PLCB4: variants seen among roughly 807,000 people sequenced by gnomAD.
PLCB4 encodes the protein phospholipase C beta 4.
In PLCB4, 77 loss-of-function variants were observed where a neutral mutation model predicts 178.8. That is an observed-to-expected ratio of 0.43 (90% CI 0.36 to 0.52). The LOEUF is 0.52. Ranked by LOEUF, PLCB4 falls within the 20% of genes least tolerant of loss-of-function variation. The probability of loss-of-function intolerance (pLI) is 0.00; values close to 1 mark genes in which losing one functional copy is unlikely to be tolerated. For synonymous variants in PLCB4, 496 were observed against 490.8 expected, an observed-to-expected ratio of 1.01 and a Z score of -0.14; for missense variants, 1,024 against 1,453.4, an observed-to-expected ratio of 0.70 and a Z score of 4.80.
chr20:9,390,417 G>T, intron 16 of PLCB4, 114 bp from the exon 17 acceptor site: 1 of 559,390 alleles, frequency 1.8e-6, no homozygotes, highest in Non-Finnish European at 3.3e-6. Context: ...GCATTAAGAG[G>T]ACAATAATGC....
chr20:9,164,583 TAGA>T (rs1257579626), intron 2 of PLCB4, among the ~76,000 whole-genome samples: 1 of 152,200 alleles, frequency 6.6e-6, no homozygotes, highest in Non-Finnish European at 1.5e-5. Flanking sequence ...ATTTTCTTAT[TAGA>T]AGCATTAGAA....
chr20:9,184,346 G>A (rs1489475250), intron 2 of PLCB4, among the ~76,000 whole-genome samples: 1 of 152,136 alleles, frequency 6.6e-6, no homozygotes, highest in Non-Finnish European at 1.5e-5. Flanking sequence ...ATGAGTCAAA[G>A]TGGTTTTTTG....
chr20:9,190,822 C>T (rs1267075123), intron 2 of PLCB4, among the ~76,000 whole-genome samples: 2 of 152,120 alleles, frequency 1.3e-5, no homozygotes, highest in African/African-American at 4.8e-5. Flanking sequence ...GGTGGGTATG[C>T]TCTCCTTTTA....
intron 32 of PLCB4, among the ~76,000 whole-genome samples, chr20:9,444,626 G>T (rs2042301959): frequency 6.6e-6 from 1 of 152,120 alleles, no homozygotes. Flanking sequence ...GCTGGGTGTG[G>T]TGACATACCC....
chr20:9,081,355 C>G (rs1341293614), intron 1 of PLCB4, among the ~76,000 whole-genome samples: 1 of 152,222 alleles, frequency 6.6e-6, no homozygotes, highest in African/African-American at 2.4e-5. Context: ...CCTGGCCTGA[C>G]CCCTGTGATG....
chr20:9,275,640 G>A (rs889925699), intron 3 of PLCB4, among the ~76,000 whole-genome samples: 4 of 151,962 alleles, frequency 2.6e-5, no homozygotes, highest in African/African-American at 9.7e-5. Flanking sequence ...TTTTTGATAG[G>A]GAGCAATTCC....
At chr20:9,171,701 A>G (rs1300938202) in intron 2 of PLCB4, among the ~76,000 whole-genome samples, 2 of 152,194 alleles carry the variant, frequency 1.3e-5, no homozygotes, top group Admixed American at 1.3e-4. Context: ...CTGGGTTGCA[A>G]CAGTATCTGA....
intron 32 of PLCB4, among the ~76,000 whole-genome samples, chr20:9,446,750 A>C (rs1028871775): frequency 1.1e-4 from 16 of 152,122 alleles, no homozygotes; most frequent in African/African-American, 3.9e-4. Flanking sequence ...GCATGGTGGC[A>C]GGTGCCTGTA....
At chr20:9,450,670 T>A (rs998001816) in intron 32 of PLCB4, among the ~76,000 whole-genome samples, 1 of 143,758 alleles carries the variant, frequency 7.0e-6, no homozygotes, top group Non-Finnish European at 1.5e-5. Flanking sequence ...TTTTTTTTTT[T>A]TTTTTTTTGA....
chr20:9,292,386 A>G (rs1490380854), intron 3 of PLCB4, among the ~76,000 whole-genome samples: 2 of 152,148 alleles, frequency 1.3e-5, no homozygotes, highest in African/African-American at 2.4e-5. Context: ...CATAAGAGAC[A>G]GGAGGACCTT....
chr20:9,330,843 G>A (rs1011509903), intron 4 of PLCB4, among the ~76,000 whole-genome samples: 1 of 152,146 alleles, frequency 6.6e-6, no homozygotes, highest in African/African-American at 2.4e-5. Flanking sequence ...AAACCTTGCA[G>A]AGTTATCATG....
At chr20:9,430,648 G>A (rs778498088) in intron 28 of PLCB4, among the ~76,000 whole-genome samples, 2 of 152,164 alleles carry the variant, frequency 1.3e-5, no homozygotes, top group Non-Finnish European at 1.5e-5. Context: ...CGATTTTGTT[G>A]TATCATTTAG....
intron 2 of PLCB4, among the ~76,000 whole-genome samples, chr20:9,192,810 A>G (rs2093422678): frequency 6.6e-6 from 1 of 151,852 alleles, no homozygotes; most frequent in African/African-American, 2.4e-5. Flanking sequence ...CAACAAAAAA[A>G]GAAAAAAAAA....
At chr20:9,146,976 G>A (rs1452129169) in intron 2 of PLCB4, among the ~76,000 whole-genome samples, 1 of 152,064 alleles carries the variant, frequency 6.6e-6, no homozygotes, top group African/African-American at 2.4e-5. Context: ...AACAATGTAA[G>A]CTTTTGTGAT....
chr20:9,396,608 C>T (rs370010346), intron 19 of PLCB4, among the ~76,000 whole-genome samples: 12 of 152,082 alleles, frequency 7.9e-5, no homozygotes, highest in South Asian at 2.1e-4. Context: ...AATTGATGAA[C>T]GAAATGACAA....
intron 19 of PLCB4, among the ~76,000 whole-genome samples, chr20:9,399,195 C>A (rs1474574357): frequency 2.6e-5 from 4 of 152,126 alleles, no homozygotes; most frequent in Non-Finnish European, 4.4e-5. Flanking sequence ...CCATGTTATT[C>A]CAAAATATAC....
intron 3 of PLCB4, among the ~76,000 whole-genome samples, chr20:9,241,925 A>G (rs2094067796): frequency 6.6e-6 from 1 of 152,140 alleles, no homozygotes; most frequent in African/African-American, 2.4e-5. Flanking sequence ...GGGGCTGGCC[A>G]ATTTTGGATC....
At position 9,233,242 on chromosome 20, in the gene PLCB4, G is replaced by A. The variant is rs997157033; in HGVS notation, c.-16+15790G>A. Among the ~76,000 whole-genome samples the A allele has an allele frequency of 9.2e-5, 14 of 151,712 alleles. 1 individual carries two copies. The highest frequency in any genetic ancestry group is 3.3e-4 in the Admixed American group (5 of 15,234). ...TGACCTAAAAAAATTTTATGTTTCC[G>A]TCCTCATTAGTGTTTGCTAAATAGT... On this transcript the variant is annotated intron_variant, in intron 3 of 39. Coordinates refer to ENST00000378473, the MANE Select transcript of PLCB4 (RefSeq NM_001377142.1).
intron 3 of PLCB4, among the ~76,000 whole-genome samples, chr20:9,286,410 G>A (rs770699087): frequency 2.6e-5 from 4 of 151,988 alleles, no homozygotes; most frequent in Non-Finnish European, 5.9e-5. Flanking sequence ...AGGTTTGGAA[G>A]GTAATAATTA....
Sources: gnomAD v4.1 joint callset for allele counts (sites outside exome capture counted in the v4.1 genomes callset) on GRCh38, gnomAD v4.1.1 for gene constraint, MANE v1.5 for transcripts, NCBI Gene and HGNC (gene_info 2026-07-23, HGNC 2026-07-21) for gene names.